Variants in DIAPH1 observed in about 807,000 individuals in gnomAD.
DIAPH1 encodes the protein diaphanous related formin 1.
Under a neutral mutation model 140.7 loss-of-function variants are expected in DIAPH1, and 46 were observed. The ratio of observed to expected loss-of-function variants is 0.33; its 90% CI spans 0.26 to 0.42. The LOEUF (loss-of-function observed/expected upper bound fraction) is 0.42, where lower values mean the gene tolerates loss of function less well. DIAPH1 is among the 10% of genes least tolerant of loss of function. The pLI is 1.00. For synonymous variants in DIAPH1, 565 were observed against 551.6 expected (o/e 1.02, Z -0.34); for missense variants, 1,310 against 1,558.7 (o/e 0.84, Z 2.69).
intron 15 of DIAPH1, 66 bp downstream of exon 15, chr5:141,574,901 C>G (rs564508374): frequency 6.4e-7 from 1 of 1,574,162 alleles, no homozygotes; most frequent in Admixed American, 1.7e-5. Context: ...AGATGACTGA[C>G]TCCTGTTCCA....
At chr5:141,531,501 T>C (rs57937818) in intron 19 of DIAPH1, among the ~76,000 whole-genome samples, 1,671 of 152,146 alleles carry the variant, frequency 0.011, 36 homozygotes, top group African/African-American at 0.039. Context: ...AATTTATTTA[T>C]TGCTTGAGAT....
rs548134926 is a variant in DIAPH1, at chr5:141,573,695, G to C, written c.2155C>G (p.Pro719Ala). 1.2e-6 allele frequency: 2 copies of C among 1,602,992 alleles called. No individual in the cohort carries two copies. Among genetic ancestry groups the C allele is most frequent in the Non-Finnish European group, 1.7e-6 (2 of 1,172,554 alleles). ...GEAGMPPPPPPLPGGPGIPPP... is the reference protein window; with the variant it reads ...GEAGMPPPPPALPGGPGIPPP... Reference sequence around the variant, plus strand: ...GGGATTCCAGGACCACCAGGAAGAGGGGGAGGAGGAGGTGGCATTCCTGCT... The same window carrying C: ...GGGATTCCAGGACCACCAGGAAGAGCGGGAGGAGGAGGTGGCATTCCTGCT... The change falls in exon 16 of 28, where the codon CCT becomes GCT. Residue 719 changes from proline (P) to alanine (A), a missense_variant. Physicochemically the swap from Pro to Ala is conservative, Grantham distance 27. This residue lies in a region of DIAPH1 where 589 missense variants were observed against 549.3 expected (regional missense o/e 1.07). Transcript: ENST00000389054.
chr5:141,609,168 CAAAA>C (rs11405338), intron 1 of DIAPH1, among the ~76,000 whole-genome samples: 5 of 84,370 alleles, frequency 5.9e-5, no homozygotes, highest in Middle Eastern at 7.9e-3. Context: ...TTACTAAATG[CAAAA>C]AAAAAAAAAA....
At chr5:141,556,168 T>C (rs1289029128) in intron 18 of DIAPH1, among the ~76,000 whole-genome samples, 1 of 152,204 alleles carries the variant, frequency 6.6e-6, no homozygotes, top group Non-Finnish European at 1.5e-5. Context: ...CTAGCGATAT[T>C]ATAATCCTGA....
At chr5:141,610,981 C>A (rs2099901743) in intron 1 of DIAPH1, among the ~76,000 whole-genome samples, 1 of 151,822 alleles carries the variant, frequency 6.6e-6, no homozygotes, top group Non-Finnish European at 1.5e-5. Flanking sequence ...CCCAGATACT[C>A]CAGGAGACCG....
At chr5:141,593,172 C>T (rs780602464) in intron 1 of DIAPH1, among the ~76,000 whole-genome samples, 2 of 152,102 alleles carry the variant, frequency 1.3e-5, no homozygotes, top group African/African-American at 2.4e-5. Flanking sequence ...GCACCAGATA[C>T]CTATGGAAAT....
intron 18 of DIAPH1, chr5:141,560,937 GA>G (rs1459028781): frequency 4.4e-6 from 2 of 455,616 alleles, no homozygotes; most frequent in African/African-American, 2.0e-5. Context: ...GGGGAAAGAT[GA>G]GGGGGGGAAG....
intron 18 of DIAPH1, among the ~76,000 whole-genome samples, chr5:141,553,982 A>G (rs1331140534): frequency 6.6e-6 from 1 of 152,186 alleles, no homozygotes; most frequent in Non-Finnish European, 1.5e-5. Flanking sequence ...TCAAGCATTA[A>G]GAGGAATAAT....
intron 1 of DIAPH1, among the ~76,000 whole-genome samples, chr5:141,593,853 T>C (rs145216164): frequency 1.4e-3 from 210 of 152,312 alleles, no homozygotes; most frequent in African/African-American, 4.9e-3. Flanking sequence ...GGAGTCTTGC[T>C]CTGTCACCAA....
chr5:141,527,239 T>C (rs899078952), intron 24 of DIAPH1, among the ~76,000 whole-genome samples: 2 of 152,008 alleles, frequency 1.3e-5, no homozygotes. Context: ...AGACCCCATC[T>C]CTAAAGAAAA....
chr5:141,539,875 T>C (rs2099889703), intron 18 of DIAPH1, among the ~76,000 whole-genome samples: 1 of 151,992 alleles, frequency 6.6e-6, no homozygotes, highest in Non-Finnish European at 1.5e-5. Flanking sequence ...AATAAGCTTT[T>C]GGTTTCACTG....
chr5:141,575,714 A>G (rs2099895867), intron 14 of DIAPH1, among the ~76,000 whole-genome samples: 1 of 152,156 alleles, frequency 6.6e-6, no homozygotes, highest in Admixed American at 6.5e-5. Flanking sequence ...GAATCAGTTC[A>G]TTTCCACAGA....
chr5:141,584,795 A>G (rs182781209), intron 3 of DIAPH1, among the ~76,000 whole-genome samples: 66 of 152,346 alleles, frequency 4.3e-4, no homozygotes, highest in Admixed American at 2.7e-3. Flanking sequence ...TTCTACATAT[A>G]TAACAACCAT....
At chr5:141,593,919 C>A (rs2099898887) in intron 1 of DIAPH1, among the ~76,000 whole-genome samples, 1 of 152,146 alleles carries the variant, frequency 6.6e-6, no homozygotes. Flanking sequence ...CAGGTTCAAG[C>A]CTCCCGAGTA....
intron 1 of DIAPH1, among the ~76,000 whole-genome samples, chr5:141,617,621 C>A (rs1431141268): frequency 6.6e-6 from 1 of 152,102 alleles, no homozygotes; most frequent in Non-Finnish European, 1.5e-5. Flanking sequence ...AGTGTAAGGG[C>A]ATAAATACCT....
Position 141,528,809 on chromosome 5 carries a change from C to T in DIAPH1, c.2911G>A (p.Glu971Lys). The T allele has an allele frequency of 6.2e-7, 1 of 1,614,242 alleles. No homozygotes were observed. Among genetic ancestry groups the T allele is most frequent in the Non-Finnish European group, 8.5e-7 (1 of 1,180,044 alleles). Residue 971 changes from glutamate (E) to lysine (K), a missense_variant, in exon 22 of 28, where the codon GAG becomes AAG. Coordinates refer to ENST00000389054, the MANE Select transcript of DIAPH1 (RefSeq NM_005219.5). ...ATCTCTAGGAGATTGGAAAAGCTCTCACTCTTACGTAACTCCTCACATGCA... is the reference window on the plus strand; with the variant it reads ...ATCTCTAGGAGATTGGAAAAGCTCTTACTCTTACGTAACTCCTCACATGCA... ...TAACEELRKS[E>K]SFSNLLEITL...
At chr5:141,602,669 T>C (rs989554646) in intron 1 of DIAPH1, among the ~76,000 whole-genome samples, 1 of 152,218 alleles carries the variant, frequency 6.6e-6, no homozygotes, top group Admixed American at 6.5e-5. Flanking sequence ...ATAAAGCACT[T>C]TGTTTTGCAA....
intron 18 of DIAPH1, among the ~76,000 whole-genome samples, chr5:141,547,619 GCA>G (rs1406302914): frequency 2.0e-5 from 3 of 152,160 alleles, no homozygotes; most frequent in Admixed American, 1.3e-4. Flanking sequence ...CAAACTAAAA[GCA>G]CAGAGGTTAA....
intron 18 of DIAPH1, chr5:141,563,212 A>C (rs1051906654): frequency 6.6e-6 from 1 of 152,180 alleles, no homozygotes; most frequent in African/African-American, 2.4e-5. Flanking sequence ...CTTCTTCAAA[A>C]TGTCCTTCTA....
Sources: gnomAD v4.1 joint callset for allele counts (sites outside exome capture counted in the v4.1 genomes callset) on GRCh38, gnomAD v4.1.1 for gene constraint, gnomAD v4.1.1 regional missense constraint, MANE v1.5 for transcripts, NCBI Gene and HGNC (gene_info 2026-07-23, HGNC 2026-07-21) for gene names.